Variants in ACP7 observed in about 807,000 individuals in gnomAD.
ACP7 encodes acid phosphatase 7, tartrate resistant (putative), also known as acid phosphatase type 7.
A neutral mutation model predicts 60.6 loss-of-function variants in ACP7; 58 were observed. That is an observed-to-expected ratio of 0.96 (90% CI 0.77 to 1.19). ACP7 has a LOEUF of 1.19. Ranked by LOEUF, ACP7 falls within the 50% of genes most tolerant of loss-of-function variation. The probability of loss-of-function intolerance (pLI) is 0.00; values close to 1 mark genes in which losing one functional copy is unlikely to be tolerated. For missense variants in ACP7, 574 were observed against 596.2 expected (o/e 0.96, Z 0.39); for synonymous variants, 237 against 232.6 (o/e 1.02, Z -0.17).
chr19:39,108,562 C>T (rs7253778), intron 12 of ACP7, among the ~76,000 whole-genome samples: 5,129 of 151,732 alleles, frequency 0.034, 296 homozygotes, highest in African/African-American at 0.12. Flanking sequence ...TAGAAGAGTG[C>T]GGAACTTGGT....
chr19:39,100,676 C>T (rs376408977), intron 6 of ACP7, 34 bp downstream of exon 6: 7 of 1,613,140 alleles, frequency 4.3e-6, no homozygotes, highest in African/African-American at 1.3e-5. Context: ...TGGCCCTCTC[C>T]CCTGAAGGAT....
At chr19:39,098,275 A>AG (rs1555768110) in intron 2 of ACP7, among the ~76,000 whole-genome samples, 183 bp from the exon 3 acceptor site, 2 of 126,694 alleles carry the variant, frequency 1.6e-5, no homozygotes, top group South Asian at 2.6e-4. Context: ...AAAAAAAAAA[A>AG]AAAAGAAAAG....
chr19:39,098,720 A>G, intron 3 of ACP7, 62 bp downstream of exon 3: 2 of 1,511,314 alleles, frequency 1.3e-6, no homozygotes, highest in Non-Finnish European at 1.8e-6. Context: ...GATGCAGACT[A>G]GAAGCTACCA....
chr19:39,108,537 T>G (rs945419908), intron 12 of ACP7, among the ~76,000 whole-genome samples: 1 of 151,990 alleles, frequency 6.6e-6, no homozygotes, highest in African/African-American at 2.4e-5. Context: ...AAGGACTTAT[T>G]ATATATAAAA....
intron 3 of ACP7, 146 bp from the exon 4 acceptor site, chr19:39,098,814 G>T (rs1445856647): frequency 2.2e-6 from 3 of 1,366,380 alleles, no homozygotes; most frequent in Admixed American, 5.0e-5. Flanking sequence ...AAAACGGAAG[G>T]TGCCGGGGAA....
chr19:39,094,553 A>G (rs2073245230), intron 2 of ACP7, among the ~76,000 whole-genome samples: 1 of 151,480 alleles, frequency 6.6e-6, no homozygotes, highest in Non-Finnish European at 1.5e-5. Context: ...AGCCGGGCAC[A>G]TGTTCACGCC....
chr19:39,091,040 C>T (rs1205429181), intron 2 of ACP7, among the ~76,000 whole-genome samples: 1 of 152,070 alleles, frequency 6.6e-6, no homozygotes, highest in Non-Finnish European at 1.5e-5. Flanking sequence ...CAACAAGCCT[C>T]CATCATTTGT....
intron 2 of ACP7, among the ~76,000 whole-genome samples, chr19:39,092,460 T>G (rs1020815871): frequency 6.6e-6 from 1 of 152,130 alleles, no homozygotes; most frequent in Non-Finnish European, 1.5e-5. Context: ...ACAGCCTTTA[T>G]GCACAGTCCT....
chr19:39,096,886 C>A (rs1352652653), intron 2 of ACP7, among the ~76,000 whole-genome samples: 1 of 152,162 alleles, frequency 6.6e-6, no homozygotes, highest in Non-Finnish European at 1.5e-5. Flanking sequence ...ACGGCAACCT[C>A]CATCTCCCGG....
chr19:39,099,159 G>GGC lies in ACP7; in HGVS notation c.505+24_505+25dup. 1 of 1,496,858 alleles carries GGC rather than the reference G, an allele frequency of 6.7e-7. No individual in the cohort carries two copies. Among genetic ancestry groups the GGC allele is most frequent in the East Asian group, 2.4e-5 (1 of 41,178 alleles). The allele number at this position is 1,496,858 out of a possible 1,614,324, so 92.7% of individuals were successfully genotyped here. A position where few individuals can be genotyped will look rare whatever the true frequency, so the allele number is the denominator to read the frequency against. On this transcript the variant is annotated intron_variant, in intron 4 of 12. Transcript: ENST00000331256. ...TCCATGTGGGTGAGGCATCCGCAGG[G>GGC]GCGCGCGCAGGGACGGTGGGGGGCG... is the stretch of plus-strand genomic sequence containing the variant.
chr19:39,100,329 C>T lies in ACP7; in HGVS notation c.608C>T (p.Pro203Leu). ...GCCAGCCTGCCGTACATGACATGCC[C>T]TGGGAATCATGAAGAACGCTAGTGA... ...VAASLPYMTC[P>L]GNHEERYNFS... Residue 203 changes from proline to leucine, a missense_variant, in exon 5 of 13, where the codon CCT becomes CTT. By Grantham distance (98) the Pro-to-Leu change is moderately conservative (BLOSUM62 -3). Transcript: ENST00000331256. The T allele has an allele frequency of 6.2e-7, 1 of 1,614,112 alleles. No individual in the cohort carries two copies. The highest frequency in any genetic ancestry group is 8.5e-7 in the Non-Finnish European group (1 of 1,180,012).
intron 11 of ACP7, among the ~76,000 whole-genome samples, chr19:39,102,820 C>CCCTT (rs762911828): frequency 1.4e-5 from 2 of 142,700 alleles, no homozygotes; most frequent in Admixed American, 1.5e-4. Context: ...CTTCCTCCCT[C>CCCTT]CCTTCCTTCC....
At chr19:39,102,120 T>TCTCA (rs1555769290) in intron 11 of ACP7, among the ~76,000 whole-genome samples, 51 of 145,852 alleles carry the variant, frequency 3.5e-4, no homozygotes, top group Admixed American at 2.4e-3. Context: ...ACCCTTTCTC[T>TCTCA]CACACACACA....
chr19:39,104,821 G>A (rs2145035432), intron 11 of ACP7, among the ~76,000 whole-genome samples: 1 of 151,954 alleles, frequency 6.6e-6, no homozygotes, highest in African/African-American at 2.4e-5. Context: ...GGAGGCGGAG[G>A]TTGCAGTGAG....
intron 2 of ACP7, among the ~76,000 whole-genome samples, chr19:39,087,833 C>T (rs2073162161): frequency 6.6e-6 from 1 of 151,980 alleles, no homozygotes; most frequent in South Asian, 2.1e-4. Context: ...GGGGTTTCAC[C>T]ATGTTGGCCA....
intron 12 of ACP7, among the ~76,000 whole-genome samples, chr19:39,107,347 C>G (rs1201242087): frequency 3.9e-5 from 6 of 151,976 alleles, no homozygotes; most frequent in Non-Finnish European, 8.8e-5. Flanking sequence ...CTTTGGGAAG[C>G]CGAGGCAGGC....
intron 11 of ACP7, among the ~76,000 whole-genome samples, chr19:39,101,961 A>T (rs796767601): frequency 2.4e-4 from 36 of 148,660 alleles, no homozygotes; most frequent in African/African-American, 8.3e-4. Flanking sequence ...AAAAAAAATT[A>T]AAAAAGAAAT....
intron 2 of ACP7, among the ~76,000 whole-genome samples, chr19:39,094,603 G>A (rs567602769): frequency 1.3e-5 from 2 of 151,958 alleles, no homozygotes; most frequent in South Asian, 2.1e-4. Context: ...AGGGAGGGTT[G>A]CTCAAGTCCA....
rs1406458403 is a variant in ACP7, at chr19:39,098,502, A to G, written c.166A>G (p.Thr56Ala). The change falls in exon 3 of 13, where the codon ACC becomes GCC. Residue 56 changes from threonine (T) to alanine (A), a missense_variant. Coordinates refer to ENST00000331256, the MANE Select transcript of ACP7 (RefSeq NM_001004318.3). ...MTVTWTTWVP[T>A]RSEVQFGLQP... ...TGTAACTTGGACCACATGGGTCCCA[A>G]CCCGCTCTGAAGTGCAATTCGGGTT... 6.2e-7 allele frequency: 1 copy of G among 1,605,852 alleles called. No individual in the cohort carries two copies.
Sources: gnomAD v4.1 joint callset for allele counts (sites outside exome capture counted in the v4.1 genomes callset) on GRCh38, gnomAD v4.1.1 for gene constraint, MANE v1.5 for transcripts, NCBI Gene and HGNC (gene_info 2026-07-23, HGNC 2026-07-21) for gene names.